Variants in NXPE2 observed in about 807,000 individuals in gnomAD.
The protein encoded by NXPE2 is neurexophilin and PC-esterase domain family member 2.
Under a neutral mutation model 34.4 loss-of-function variants are expected in NXPE2, and 34 were observed. The ratio of observed to expected loss-of-function variants is 0.99; its 90% CI spans 0.75 to 1.31. The LOEUF is 1.31. Among genes scored for constraint, NXPE2 ranks in the 40% most tolerant of loss-of-function variants. The pLI is 0.00. For synonymous variants in NXPE2, 235 were observed against 231.3 expected (o/e 1.02, Z -0.15); for missense variants, 649 against 672.5 (o/e 0.97, Z 0.39).
the NXPE2 span, among the ~76,000 whole-genome samples, chr11:114,725,476 C>A: frequency 1.3e-5 from 2 of 152,104 alleles, no homozygotes; most frequent in African/African-American, 4.8e-5. Flanking sequence ...AACCTATGGT[C>A]AATACCAGAG....
chr11:114,709,623 G>A (rs919498539), downstream of NXPE2, among the ~76,000 whole-genome samples: 5 of 152,142 alleles, frequency 3.3e-5, no homozygotes, highest in African/African-American at 1.2e-4. Context: ...ATCAATATCA[G>A]ATGCTGGGTG....
chr11:114,610,051 A>G, the NXPE2 span, among the ~76,000 whole-genome samples: 1 of 151,834 alleles, frequency 6.6e-6, no homozygotes, highest in Admixed American at 6.6e-5. Flanking sequence ...TCCCCGGTGG[A>G]TAATAAGTCT....
At chr11:114,766,632 CT>C in the NXPE2 span, among the ~76,000 whole-genome samples, 3,120 of 151,872 alleles carry the variant, frequency 0.021, 99 homozygotes, top group African/African-American at 0.07. Flanking sequence ...CTCTTTTCCT[CT>C]TTTTTTTCCT....
the NXPE2 span, among the ~76,000 whole-genome samples, chr11:114,534,681 A>G: frequency 1.3e-5 from 2 of 152,252 alleles, no homozygotes; most frequent in Non-Finnish European, 2.9e-5. Context: ...AAGAAAGGGT[A>G]TCAGTGATGG....
At chr11:114,530,671 A>G in the NXPE2 span, 1,159 of 1,614,116 alleles carry the variant, frequency 7.2e-4, no homozygotes, top group Non-Finnish European at 9.2e-4. Context: ...TCTCCCCTGC[A>G]GTATGTATCT....
the NXPE2 span, among the ~76,000 whole-genome samples, chr11:114,716,695 C>A: frequency 6.6e-6 from 1 of 152,142 alleles, no homozygotes; most frequent in African/African-American, 2.4e-5. Flanking sequence ...TTGCACATTC[C>A]ACTGAGCCAA....
the NXPE2 span, among the ~76,000 whole-genome samples, chr11:114,597,345 T>C: frequency 6.6e-6 from 1 of 152,190 alleles, no homozygotes; most frequent in African/African-American, 2.4e-5. Context: ...ATCTGAATGA[T>C]ATTAACCAGG....
chr11:114,761,000 A>G, the NXPE2 span, among the ~76,000 whole-genome samples: 1 of 151,990 alleles, frequency 6.6e-6, no homozygotes, highest in South Asian at 2.1e-4. Flanking sequence ...ATCCCCACCC[A>G]TCTGTCTGAG....
chr11:114,658,348 G>C, the NXPE2 span, among the ~76,000 whole-genome samples: 2 of 152,180 alleles, frequency 1.3e-5, no homozygotes, highest in African/African-American at 4.8e-5. Flanking sequence ...GCTAGTATGA[G>C]AGTATAGAAT....
the NXPE2 span, among the ~76,000 whole-genome samples, chr11:114,505,252 G>A: frequency 6.6e-6 from 1 of 152,266 alleles, no homozygotes; most frequent in Admixed American, 6.5e-5. Context: ...ACAACTGATT[G>A]GTGTACCTGA....
At chr11:114,565,406 C>A in the NXPE2 span, among the ~76,000 whole-genome samples, 2 of 152,190 alleles carry the variant, frequency 1.3e-5, no homozygotes, top group Non-Finnish European at 2.9e-5. Context: ...CAGGTATAGA[C>A]TGAATCTTTA....
At chr11:114,633,248 A>T in the NXPE2 span, among the ~76,000 whole-genome samples, 2 of 135,134 alleles carry the variant, frequency 1.5e-5, no homozygotes, top group South Asian at 4.4e-4. Flanking sequence ...CATATAATAT[A>T]TAATATATAA....
the NXPE2 span, among the ~76,000 whole-genome samples, chr11:114,720,195 T>C: frequency 2.6e-5 from 4 of 152,172 alleles, no homozygotes; most frequent in Admixed American, 2.6e-4. Context: ...GCAGTGCAAG[T>C]AGAATGAATG....
chr11:114,537,059 A>G, the NXPE2 span, among the ~76,000 whole-genome samples: 16 of 152,302 alleles, frequency 1.1e-4, no homozygotes, highest in East Asian at 2.5e-3. Flanking sequence ...GAATCCAGCA[A>G]CACATCAAAA....
At chr11:114,675,817 G>A (rs1950852532), upstream of NXPE2, among the ~76,000 whole-genome samples, 1 of 151,872 alleles carries the variant, frequency 6.6e-6, no homozygotes, top group Admixed American at 6.6e-5. Context: ...TAATATCAAA[G>A]CTGGAAATAT....
chr11:114,534,018 A>T, the NXPE2 span, among the ~76,000 whole-genome samples: 1 of 152,180 alleles, frequency 6.6e-6, no homozygotes, highest in East Asian at 1.9e-4. Flanking sequence ...CAAGTAGCCT[A>T]ACTGGGAGGC....
chr11:114,608,038 G>T, the NXPE2 span, among the ~76,000 whole-genome samples: 4 of 151,658 alleles, frequency 2.6e-5, no homozygotes, highest in African/African-American at 9.7e-5. Context: ...TTACCTGCTG[G>T]ATAATAAGTG....
At chr11:114,519,462 T>G in the NXPE2 span, among the ~76,000 whole-genome samples, 16 of 152,230 alleles carry the variant, frequency 1.1e-4, no homozygotes, top group Admixed American at 2.0e-4. Flanking sequence ...TTCCTCAAGA[T>G]GTTTACAAGC....
the NXPE2 span, among the ~76,000 whole-genome samples, chr11:114,616,318 C>T: frequency 1.7e-4 from 25 of 144,178 alleles, no homozygotes; most frequent in East Asian, 4.0e-4. Context: ...TGTTGTCTCA[C>T]GTGTAACCAC....
Sources: allele counts gnomAD v4.1 joint callset (sites outside exome capture counted in the v4.1 genomes callset), GRCh38; gene constraint gnomAD v4.1.1; transcripts MANE v1.5; gene names NCBI Gene and HGNC (gene_info 2026-07-23, HGNC 2026-07-21).